The following PTMA variants were observed in gnomAD, a reference collection of about 807,000 sequenced individuals.
PTMA encodes gene sequence 28.
In PTMA, 4 loss-of-function variants were observed where a neutral mutation model predicts 16.9. That is an observed-to-expected ratio of 0.24 (90% CI 0.12 to 0.54). The LOEUF is 0.54. Ranked by LOEUF, PTMA falls within the 20% of genes least tolerant of loss-of-function variation. The pLI, the probability that PTMA is intolerant of heterozygous loss-of-function variation, is 0.95. For synonymous variants in PTMA, 58 were observed against 47.9 expected (o/e 1.21, Z -0.87); for missense variants, 120 against 137.7 (o/e 0.87, Z 0.64).
intron 1 of PTMA, chr2:231,710,269 G>A (rs747997256): frequency 3.0e-5 from 39 of 1,317,206 alleles, no homozygotes; most frequent in Non-Finnish European, 3.6e-5. Context: ...GCGTGCCACT[G>A]CAAGCTCTGC....
intron 1 of PTMA, among the ~76,000 whole-genome samples, chr2:231,709,490 G>C (rs1362490539): frequency 1.3e-5 from 2 of 152,186 alleles, no homozygotes; most frequent in Admixed American, 6.5e-5. Flanking sequence ...GCGCCGCAGG[G>C]AGGAAAGAGA....
rs983830836 is a variant in PTMA, at chr2:231,712,835, C to T, written c.317C>T (p.Thr106Ile). The part of the protein sequence containing the change: ...DDDVDTKKQK[T>I]DEDD ...GATGTCGATACCAAGAAGCAGAAGA[C>T]CGACGAGGATGACTAGACAGCAAAA... Residue 106 changes from threonine to isoleucine, a missense_variant, in exon 5 of 5, where the codon ACC becomes ATC. Thr to Ile is a moderately conservative substitution (Grantham distance 89, BLOSUM62 -1). Transcript: ENST00000409115. 3 of 1,585,740 alleles carry T rather than the reference C, an allele frequency of 1.9e-6. No individual in the cohort carries two copies. Among genetic ancestry groups the T allele is most frequent in the African/African-American group, 1.3e-5 (1 of 74,090 alleles).
rs375330246 is a variant in PTMA at position 231,711,480 on chromosome 2, C to T, written c.117+61C>T. 532 of 1,458,630 alleles carry T rather than the reference C, an allele frequency of 3.6e-4. 1 individual carries two copies. In the African/African-American group the frequency reaches 5.5e-3, roughly 15 times the overall value. 90.4% of individuals were successfully genotyped at this position (1,458,630 alleles called of 1,614,324 possible). On this transcript the variant is annotated intron_variant, in intron 2 of 4. Coordinates refer to ENST00000409115, the MANE Select transcript of PTMA (RefSeq NM_002823.5). ...ACCGCCCCACAAAATTTTTCCTGTT[C>T]TACTTTAAACATACCTATATATGTG...
chr2:231,710,212 G>T (rs1430423321), intron 1 of PTMA: 9 of 1,340,182 alleles, frequency 6.7e-6, no homozygotes, highest in Non-Finnish European at 8.7e-6. Context: ...GGTGGCGGCA[G>T]TGGGGCGTCG....
intron 3 of PTMA, 112 bp downstream of exon 3, chr2:231,712,095 C>A: frequency 6.6e-7 from 1 of 1,518,918 alleles, no homozygotes; most frequent in Non-Finnish European, 8.8e-7. Flanking sequence ...GTACTTGGGG[C>A]CAGTGGACCA....
At chr2:231,708,848 C>G (rs879270604) in intron 1 of PTMA, 97 bp downstream of exon 1, 3 of 1,414,586 alleles carry the variant, frequency 2.1e-6, no homozygotes, top group Admixed American at 2.2e-5. Context: ...CCCGCTGTTG[C>G]TCCCTCTCGC....
chr2:231,711,316 AC>A, intron 1 of PTMA, 31 bp from the exon 2 acceptor site: 1 of 1,591,000 alleles, frequency 6.3e-7, no homozygotes, highest in Non-Finnish European at 8.6e-7. Flanking sequence ...CAGAAGACTT[AC>A]TGGTTACTGG....
At chr2:231,710,286 G>T (rs957023089) in intron 1 of PTMA, 3 of 1,285,020 alleles carry the variant, frequency 2.3e-6, no homozygotes, top group Non-Finnish European at 3.0e-6. Context: ...CTGCCTGCCG[G>T]CCGGGAGTCT....
At chr2:231,710,115 C>A (rs2048497430) in intron 1 of PTMA, 2 of 1,243,402 alleles carry the variant, frequency 1.6e-6, no homozygotes, top group South Asian at 3.9e-5. Flanking sequence ...GCATCCCCGA[C>A]AGTCTCGGAC....
chr2:231,709,028 C>T (rs1236643770), intron 1 of PTMA, among the ~76,000 whole-genome samples: 2 of 152,310 alleles, frequency 1.3e-5, no homozygotes, highest in African/African-American at 4.8e-5. Flanking sequence ...GCCCTCGAAA[C>T]TCGTCTGTGG....
chr2:231,711,483 C>A, intron 2 of PTMA, 64 bp downstream of exon 2: 1 of 1,443,202 alleles, frequency 6.9e-7, no homozygotes, highest in Non-Finnish European at 9.7e-7. Context: ...TCCTGTTCTA[C>A]TTTAAACATA....
Position 231,713,095 on chromosome 2 carries a change from A to G in PTMA, c.*244A>G, listed in dbSNP as rs2048540071. 1 of 525,444 alleles carries G rather than the reference A, an allele frequency of 1.9e-6. No homozygotes were observed. The highest frequency in any genetic ancestry group is 1.9e-5 in the African/African-American group (1 of 51,530). 32.5% of individuals were successfully genotyped at this position (525,444 alleles called of 1,614,324 possible). A position where few individuals can be genotyped will look rare whatever the true frequency, so the allele number is the denominator to read the frequency against. On this transcript the variant is annotated 3_prime_UTR_variant, in exon 5 of 5. Transcript: ENST00000409115. ...AGGCCCTGCTTTTTTTCTTAAAAGT[A>G]CTTTAAAAAGGAAATTTGTTTGTAT...
intron 1 of PTMA, 178 bp from the exon 2 acceptor site, chr2:231,711,170 C>T (rs1297654167): frequency 3.6e-6 from 2 of 551,386 alleles, no homozygotes; most frequent in Middle Eastern, 5.0e-4. Context: ...CCCCGCCGGC[C>T]TTCCTTCCAC....
In PTMA at chr2:231,713,406, G is replaced by A. The variant is rs775067075; in HGVS notation, c.*555G>A. Reference sequence around the variant, plus strand: ...GTATGAGATGGTTAAAAAGGCCAAAGATAAAAGGTTTCTTTTTTTTTCCTT... The same window carrying A: ...GTATGAGATGGTTAAAAAGGCCAAAAATAAAAGGTTTCTTTTTTTTTCCTT... On this transcript the variant is annotated 3_prime_UTR_variant, in exon 5 of 5. Coordinates refer to ENST00000409115, the MANE Select transcript of PTMA (RefSeq NM_002823.5). The A allele has an allele frequency of 5.9e-6, 3 of 509,542 alleles. No individual in the cohort carries two copies. The highest frequency in any genetic ancestry group is 3.0e-5 in the South Asian group (2 of 65,640). The allele number at this position is 509,542 out of a possible 1,614,324, so 31.6% of individuals were successfully genotyped here.
chr2:231,709,531 GCGCCC>G (rs1034871289), intron 1 of PTMA, among the ~76,000 whole-genome samples: 10 of 152,182 alleles, frequency 6.6e-5, no homozygotes, highest in Non-Finnish European at 1.2e-4. Context: ...GCGACGATGG[GCGCCC>G]CCCGCGGCTG....
chr2:231,710,128 A>G, intron 1 of PTMA: 1 of 1,248,410 alleles, frequency 8.0e-7, no homozygotes, highest in Non-Finnish European at 1.0e-6. Context: ...TCTCGGACCT[A>G]CGCAGCCCGG....
intron 1 of PTMA, among the ~76,000 whole-genome samples, chr2:231,710,905 C>T (rs1161068681): frequency 6.6e-6 from 1 of 152,196 alleles, no homozygotes; most frequent in Non-Finnish European, 1.5e-5. Flanking sequence ...CGAGCGCAGG[C>T]CCCTCTCTCT....
intron 1 of PTMA, among the ~76,000 whole-genome samples, chr2:231,709,534 C>T (rs1483123712): frequency 1.3e-5 from 2 of 152,174 alleles, no homozygotes; most frequent in Admixed American, 6.5e-5. Flanking sequence ...ACGATGGGCG[C>T]CCCCCGCGGC....
chr2:231,708,527 C>T lies in PTMA; in HGVS notation c.-180C>T, dbSNP rs577715402. On this transcript the variant is annotated 5_prime_UTR_variant, in exon 1 of 5. Coordinates refer to ENST00000409115, the MANE Select transcript of PTMA (RefSeq NM_002823.5). ...AAAGCTTCTGGCGCCGCGTGAGTCC[C>T]CCACTGGCTGCTCTGAAAAGCCATC... is the stretch of plus-strand genomic sequence containing the variant. 6.3e-4 allele frequency: 450 copies of T among 717,028 alleles called. 2 individuals carry two copies. In the African/African-American group the frequency reaches 7.2e-3, roughly 11 times the overall value. 44.4% of individuals were successfully genotyped at this position (717,028 alleles called of 1,614,324 possible).
Sources: allele counts gnomAD v4.1 joint callset (sites outside exome capture counted in the v4.1 genomes callset), GRCh38; gene constraint gnomAD v4.1.1; transcripts MANE v1.5; gene names NCBI Gene and HGNC (gene_info 2026-07-23, HGNC 2026-07-21).